Variants in MSRA observed in about 807,000 individuals in gnomAD.
MSRA encodes mitochondrial peptide methionine sulfoxide reductase.
In MSRA, 54 loss-of-function variants were observed where a neutral mutation model predicts 31.3. The ratio of observed to expected loss-of-function variants is 1.73; its 90% confidence interval spans 1.39 to 2.17. The LOEUF (loss-of-function observed/expected upper bound fraction) is 2.17. Among genes scored for constraint, MSRA ranks in the 30% most tolerant of loss-of-function variants. The pLI, the probability that MSRA is intolerant of heterozygous loss-of-function variation, is 0.00. For missense variants in MSRA, 507 were observed against 300.9 expected (o/e 1.69, Z -5.07); for synonymous variants, 169 against 116.5 (o/e 1.45, Z -2.90).
chr8:10,408,032 G>A (rs542920382), intron 5 of MSRA, among the ~76,000 whole-genome samples: 15 of 152,178 alleles, frequency 9.9e-5, no homozygotes, highest in Middle Eastern at 3.4e-3. Flanking sequence ...GACAAGCTTC[G>A]ACACCACATT....
chr8:10,159,030 C>T (rs556310948), intron 1 of MSRA, among the ~76,000 whole-genome samples: 1 of 152,312 alleles, frequency 6.6e-6, no homozygotes, highest in East Asian at 1.9e-4. Context: ...TTAGGAAGAT[C>T]ACTGTCACCG....
At chr8:10,299,061 TTCTAAGCAATTTTATTAAATA>T (rs1249735351) in intron 3 of MSRA, among the ~76,000 whole-genome samples, 4 of 152,206 alleles carry the variant, frequency 2.6e-5, no homozygotes, top group Non-Finnish European at 4.4e-5. Flanking sequence ...ACTAAGATGC[TTCTAAGCAATTTTATTAAATA>T]TGATAAGAGA....
intron 2 of MSRA, among the ~76,000 whole-genome samples, chr8:10,217,981 C>T (rs1019253535): frequency 2.0e-5 from 3 of 151,700 alleles, no homozygotes; most frequent in African/African-American, 7.3e-5. Flanking sequence ...GTCCTATTTC[C>T]TTTAGTCTTG....
At chr8:10,273,923 A>G (rs994918770) in intron 3 of MSRA, among the ~76,000 whole-genome samples, 12 of 152,108 alleles carry the variant, frequency 7.9e-5, no homozygotes, top group Non-Finnish European at 1.5e-4. Context: ...TAAGAGGTCT[A>G]CCTGAGCCTA....
intron 5 of MSRA, among the ~76,000 whole-genome samples, chr8:10,399,918 A>C (rs529479857): frequency 6.6e-6 from 1 of 152,164 alleles, no homozygotes; most frequent in Non-Finnish European, 1.5e-5. Flanking sequence ...CTTGTCAGAA[A>C]GGGAGAGCTG....
At chr8:10,076,368 T>TAAGCTGTAGGTGCACATGGCC (rs1470064968) in intron 1 of MSRA, among the ~76,000 whole-genome samples, 1 of 152,202 alleles carries the variant, frequency 6.6e-6, no homozygotes, top group African/African-American at 2.4e-5. Context: ...GGCACGTGGC[T>TAAGCTGTAGGTGCACATGGCC]AAGCTGTAGG....
At chr8:10,244,971 T>G in intron 2 of MSRA, 133 bp from the exon 3 acceptor site, 1 of 609,964 alleles carries the variant, frequency 1.6e-6, no homozygotes, top group Non-Finnish European at 2.6e-6. Context: ...AGATAAAATC[T>G]TAGTCATTTT....
chr8:10,257,100 C>T (rs2129090516), intron 3 of MSRA, among the ~76,000 whole-genome samples: 2 of 152,246 alleles, frequency 1.3e-5, no homozygotes, highest in South Asian at 4.2e-4. Flanking sequence ...CAGGGCATTG[C>T]AAGGCAGGGT....
At chr8:10,370,118 T>C (rs1200811133) in intron 5 of MSRA, among the ~76,000 whole-genome samples, 1 of 152,260 alleles carries the variant, frequency 6.6e-6, no homozygotes, top group Non-Finnish European at 1.5e-5. Context: ...TCTCGTGTTT[T>C]GCAGCTGCAA....
intron 5 of MSRA, among the ~76,000 whole-genome samples, chr8:10,387,083 A>T (rs35406700): frequency 1.3e-5 from 2 of 152,040 alleles, no homozygotes; most frequent in Non-Finnish European, 2.9e-5. Flanking sequence ...CTCCAGAGGC[A>T]GCTGCTGCTG....
rs545908729 is a variant in MSRA, at chr8:10,087,446, A to G, written c.142+32788A>G. Among the ~76,000 whole-genome samples, 12 of 152,290 alleles carry G rather than the reference A, an allele frequency of 7.9e-5. No homozygotes were observed. In the South Asian group the frequency reaches 2.5e-3, roughly 32 times the overall value. On this transcript the variant is annotated intron_variant, in intron 1 of 5. Coordinates refer to ENST00000317173, the MANE Select transcript of MSRA (RefSeq NM_012331.5). Reference sequence around the variant, plus strand: ...GTAGTGGTTGTTCAGAGAGTGCTGGAGAGAATTGTTCGAGTGAATGGATGT... The same window carrying G: ...GTAGTGGTTGTTCAGAGAGTGCTGGGGAGAATTGTTCGAGTGAATGGATGT...
intron 3 of MSRA, among the ~76,000 whole-genome samples, chr8:10,283,612 C>T (rs557098637): frequency 6.6e-6 from 1 of 151,290 alleles, no homozygotes; most frequent in South Asian, 2.1e-4. Context: ...CCCCCTGAGT[C>T]CCCAAAAGTC....
intron 3 of MSRA, among the ~76,000 whole-genome samples, chr8:10,284,326 C>T (rs1243928206): frequency 6.6e-6 from 1 of 152,034 alleles, no homozygotes; most frequent in African/African-American, 2.4e-5. Context: ...ATAGCTGGGA[C>T]TATAGGCGCC....
intron 3 of MSRA, among the ~76,000 whole-genome samples, chr8:10,292,740 A>T (rs1041171852): frequency 6.6e-6 from 1 of 152,178 alleles, no homozygotes; most frequent in Non-Finnish European, 1.5e-5. Flanking sequence ...CAGGGCTTGG[A>T]CTGTGGGTAG....
At chr8:10,425,811 C>A (rs898529965) in intron 5 of MSRA, among the ~76,000 whole-genome samples, 2 of 152,238 alleles carry the variant, frequency 1.3e-5, no homozygotes, top group African/African-American at 4.8e-5. Context: ...GCGTTGTGAA[C>A]CCGGAGCCCT....
At position 10,152,888 on chromosome 8, in the gene MSRA, G is replaced by T. The variant is rs184946320; in HGVS notation, c.143-54945G>T. The stretch of plus-strand genomic sequence containing the variant: ...ATGAACCTTGAGGACATGATGCTAT[G>T]AGAAATCAGCCAGCCACAAACAGAC... On this transcript the variant is annotated intron_variant, in intron 1 of 5. Coordinates refer to ENST00000317173, the MANE Select transcript of MSRA (RefSeq NM_012331.5). Among the ~76,000 whole-genome samples the T allele has an allele frequency of 1.2e-4, 18 of 152,298 alleles. No individual in the cohort carries two copies. The East Asian group carries it at 3.3e-3, about 28-fold the overall frequency.
At chr8:10,246,888 C>T (rs1317599350) in intron 3 of MSRA, among the ~76,000 whole-genome samples, 3 of 152,018 alleles carry the variant, frequency 2.0e-5, no homozygotes, top group African/African-American at 7.2e-5. Context: ...TCAAATGAAT[C>T]CTGGAGATCA....
intron 5 of MSRA, among the ~76,000 whole-genome samples, chr8:10,368,758 A>G (rs1341591515): frequency 6.6e-6 from 1 of 152,260 alleles, no homozygotes; most frequent in African/African-American, 2.4e-5. Context: ...GACAGAGTGA[A>G]TGTCACTTCT....
At chr8:10,235,254 G>T (rs117921127) in intron 2 of MSRA, among the ~76,000 whole-genome samples, 2,601 of 152,156 alleles carry the variant, frequency 0.017, 45 homozygotes, top group Middle Eastern at 0.082. Flanking sequence ...AAATAAAATT[G>T]TGAAGGTAGT....
Sources: gnomAD v4.1 joint callset for allele counts (sites outside exome capture counted in the v4.1 genomes callset) on GRCh38, gnomAD v4.1.1 for gene constraint, MANE v1.5 for transcripts, NCBI Gene and HGNC (gene_info 2026-07-23, HGNC 2026-07-21) for gene names.